The following GGNBP2 variants were observed in gnomAD, a reference collection of about 807,000 sequenced individuals.
GGNBP2 encodes the protein gametogenetin binding protein 2.
GGNBP2 carries 10 observed loss-of-function variants against 85.9 expected under a neutral mutation model. The observed-to-expected ratio is 0.12, with a 90% confidence interval of 0.07 to 0.20. GGNBP2 has a LOEUF of 0.20. GGNBP2 is among the 10% of genes least tolerant of loss of function. The pLI, the probability that GGNBP2 is intolerant of heterozygous loss-of-function variation, is 1.00. For synonymous variants in GGNBP2, 287 were observed against 285.7 expected (o/e 1.00, Z -0.05); for missense variants, 595 against 857.8 (o/e 0.69, Z 3.83).
At position 36,589,336 on chromosome 17, in the gene GGNBP2, T is replaced by C; in HGVS notation, c.2019T>C (p.Phe673=). ...EQYRQHLKEK[F]NKYCRLNDHK... is the part of the protein sequence containing the mutation. ...ACCGACAGCATCTGAAGGAGAAATT[T>C]AATAAATACTGCCGGTTAAATGATC... is the stretch of plus-strand genomic sequence containing the variant. The change falls in exon 14 of 14, where the codon TTT becomes TTC. Residue 673 remains phenylalanine (F), a synonymous_variant. Coordinates refer to ENST00000613102, the MANE Select transcript of GGNBP2 (RefSeq NM_024835.5). 6.2e-7 allele frequency: 1 copy of C among 1,614,010 alleles called. No individual in the cohort carries two copies. Among genetic ancestry groups the C allele is most frequent in the South Asian group, 1.1e-5 (1 of 91,078 alleles).
chr17:36,581,592 A>G (rs962088307), intron 9 of GGNBP2, 54 bp downstream of exon 9: 2 of 1,352,802 alleles, frequency 1.5e-6, no homozygotes, highest in Non-Finnish European at 2.1e-6. Context: ...TGTAGATAGA[A>G]GTACAGGCCA....
chr17:36,565,631 C>T (rs2074460241), intron 5 of GGNBP2, among the ~76,000 whole-genome samples: 1 of 152,248 alleles, frequency 6.6e-6, no homozygotes, highest in Non-Finnish European at 1.5e-5. Context: ...GGCGGGGTGG[C>T]TCACACTGGT....
chr17:36,563,358 A>T (rs190458296), intron 5 of GGNBP2, among the ~76,000 whole-genome samples: 1 of 152,244 alleles, frequency 6.6e-6, no homozygotes, highest in African/African-American at 2.4e-5. Context: ...CCTCCCATGC[A>T]CTTTTACCAA....
chr17:36,559,504 G>A (rs1226961888), intron 4 of GGNBP2, among the ~76,000 whole-genome samples: 1 of 152,068 alleles, frequency 6.6e-6, no homozygotes, highest in South Asian at 2.1e-4. Flanking sequence ...AGAAGAAGAG[G>A]TCTGAAAAGT....
intron 2 of GGNBP2, among the ~76,000 whole-genome samples, chr17:36,548,827 C>G (rs954609924): frequency 2.0e-5 from 3 of 151,102 alleles, no homozygotes; most frequent in African/African-American, 7.3e-5. Flanking sequence ...GCCTGTAGAC[C>G]CAGCTACTGA....
At chr17:36,567,831 C>G in intron 6 of GGNBP2, 55 bp downstream of exon 6, 1 of 851,680 alleles carries the variant, frequency 1.2e-6, no homozygotes, top group Non-Finnish European at 2.0e-6. Context: ...GTGTCAGTCA[C>G]CTAGAGTGGC....
intron 6 of GGNBP2, among the ~76,000 whole-genome samples, chr17:36,576,094 T>G: frequency 7.0e-6 from 1 of 143,876 alleles, no homozygotes; most frequent in African/African-American, 2.6e-5. Flanking sequence ...TCCCAACACT[T>G]TGGGAGGCTG....
intron 2 of GGNBP2, among the ~76,000 whole-genome samples, chr17:36,551,493 C>T (rs2074308399): frequency 6.6e-6 from 1 of 151,866 alleles, no homozygotes; most frequent in Admixed American, 6.6e-5. Context: ...CGTGAGCCAC[C>T]GGCTTCTTTA....
At chr17:36,564,898 C>T (rs2074454011) in intron 5 of GGNBP2, among the ~76,000 whole-genome samples, 1 of 152,080 alleles carries the variant, frequency 6.6e-6, no homozygotes, top group Non-Finnish European at 1.5e-5. Context: ...TGCAAGTAAA[C>T]CCAGGTTATT....
intron 6 of GGNBP2, chr17:36,575,163 A>T: frequency 1.5e-6 from 1 of 663,660 alleles, no homozygotes; most frequent in South Asian, 1.6e-5. Flanking sequence ...ATAGGCATCC[A>T]CTCTTTATCC....
intron 12 of GGNBP2, chr17:36,586,437 A>G: frequency 1.9e-6 from 1 of 526,960 alleles, no homozygotes; most frequent in Non-Finnish European, 3.4e-6. Context: ...TTATACTTTT[A>G]AAATTATAAG....
In GGNBP2 at chr17:36,545,780, G is replaced by T; in HGVS notation, c.56G>T (p.Arg19Met). 1 of 1,580,878 alleles carries T rather than the reference G, an allele frequency of 6.3e-7. No homozygotes were observed. Among genetic ancestry groups the T allele is most frequent in the East Asian group, 2.3e-5 (1 of 42,560 alleles). Residue 19 changes from arginine to methionine, a missense_variant, in exon 2 of 14, where the codon AGG (arginine) becomes ATG (methionine). This residue lies in a region of GGNBP2 where 216 missense variants were observed against 293.4 expected (regional missense o/e 0.74). Coordinates refer to ENST00000613102, the MANE Select transcript of GGNBP2 (RefSeq NM_024835.5). ...GGGGAGGAGGAGTTCCCCTTCGAGAGGAGGCAGATTCCCCTCTACATAGAC... is the reference window on the plus strand; with the variant it reads ...GGGGAGGAGGAGTTCCCCTTCGAGATGAGGCAGATTCCCCTCTACATAGAC... ...RDGEEEFPFE[R>M]RQIPLYIDDT...
chr17:36,553,920 G>A (rs1320095426), intron 2 of GGNBP2, among the ~76,000 whole-genome samples: 1 of 152,108 alleles, frequency 6.6e-6, no homozygotes, highest in Non-Finnish European at 1.5e-5. Flanking sequence ...ACATAGTGAA[G>A]CCTCCTTAAG....
intron 5 of GGNBP2, among the ~76,000 whole-genome samples, chr17:36,562,654 G>A (rs140472660): frequency 3.5e-4 from 53 of 150,670 alleles, no homozygotes; most frequent in Non-Finnish European, 4.6e-4. Context: ...CCCCTATACC[G>A]AGCAACAAAA....
At chr17:36,578,249 G>GT (rs1449289000) in intron 7 of GGNBP2, 63 bp downstream of exon 7, 2 of 1,259,322 alleles carry the variant, frequency 1.6e-6, no homozygotes, top group Non-Finnish European at 2.2e-6. Context: ...ATTACTGAAA[G>GT]TTTATTTTCA....
chr17:36,561,334 G>A (rs1468797131), intron 5 of GGNBP2, among the ~76,000 whole-genome samples: 1 of 152,050 alleles, frequency 6.6e-6, no homozygotes, highest in Non-Finnish European at 1.5e-5. Context: ...CTATTGGCCA[G>A]GCTGGTCTCG....
In GGNBP2 at chr17:36,553,087, A is replaced by G. The variant is rs574933657; in HGVS notation, c.94-1733A>G. Among the ~76,000 whole-genome samples, 9 of 152,064 alleles carry G rather than the reference A, an allele frequency of 5.9e-5. No homozygotes were observed. In the East Asian group the frequency reaches 1.7e-3, roughly 29 times the overall value. On this transcript the variant is annotated intron_variant, in intron 2 of 13. Transcript: ENST00000613102. ...TCTCTAAACATGGTATAGTGAATAT[A>G]GAATTGGAAGCAAGGAGCATTAACT...
intron 4 of GGNBP2, 61 bp from the exon 5 acceptor site, chr17:36,560,712 G>A: frequency 1.0e-6 from 1 of 972,220 alleles, no homozygotes; most frequent in Non-Finnish European, 1.5e-6. Flanking sequence ...ACAGTAAATA[G>A]AGATTTTAAA....
At chr17:36,579,477 AT>A (rs2074624162) in intron 8 of GGNBP2, 58 bp downstream of exon 8, 1 of 1,461,968 alleles carries the variant, frequency 6.8e-7, no homozygotes, top group African/African-American at 1.4e-5. Flanking sequence ...ATTGGACTGA[AT>A]CTTAATGTAA....
Sources: gnomAD v4.1 joint callset for allele counts (sites outside exome capture counted in the v4.1 genomes callset) on GRCh38, gnomAD v4.1.1 for gene constraint, gnomAD v4.1.1 regional missense constraint, MANE v1.5 for transcripts, NCBI Gene and HGNC (gene_info 2026-07-23, HGNC 2026-07-21) for gene names.